The following GNE variants were observed in gnomAD, a reference collection of about 807,000 sequenced individuals.
GNE encodes the protein bifunctional UDP-N-acetylglucosamine 2-epimerase/N-acetylmannosamine kinase.
GNE carries 41 observed loss-of-function variants against 61.8 expected under a neutral mutation model. That is an observed-to-expected ratio of 0.66 (90% CI 0.52 to 0.86). GNE has a LOEUF of 0.86. Ranked by LOEUF, GNE falls within the 40% of genes least tolerant of loss-of-function variation. The probability of loss-of-function intolerance (pLI) is 0.00; values close to 1 mark genes in which losing one functional copy is unlikely to be tolerated. For synonymous variants in GNE, 264 were observed against 326.4 expected, an observed-to-expected ratio of 0.81 and a Z score of 2.06; for missense variants, 608 against 909.1, an observed-to-expected ratio of 0.67 and a Z score of 4.26.
At chr9:36,247,821 GT>G (rs1209708298) in intron 2 of GNE, among the ~76,000 whole-genome samples, 1 of 152,006 alleles carries the variant, frequency 6.6e-6, no homozygotes, top group Non-Finnish European at 1.5e-5. Context: ...GAGGTTGGGA[GT>G]TTGAGACCAG....
Position 36,234,145 on chromosome 9 carries a change from A to G in GNE, c.770-13T>C. On this transcript the variant is annotated splice_polypyrimidine_tract_variant and intron_variant, in intron 4 of 11. Transcript: ENST00000642385. Reference sequence around the variant, plus strand: ...ATCTCTTTGCTCCCTATGAAAATGAAAAGAACCAATTGGTAAATGGTTTGT... The same window carrying G: ...ATCTCTTTGCTCCCTATGAAAATGAGAAGAACCAATTGGTAAATGGTTTGT... 1 of 1,599,680 alleles carries G rather than the reference A, an allele frequency of 6.3e-7. No homozygotes were observed. The highest frequency in any genetic ancestry group is 8.6e-7 in the Non-Finnish European group (1 of 1,166,852).
chr9:36,276,032 G>T (rs1831250409), intron 1 of GNE, among the ~76,000 whole-genome samples: 4 of 152,052 alleles, frequency 2.6e-5, no homozygotes, highest in Admixed American at 2.6e-4. Context: ...AGTTTGCCGG[G>T]TATGGTAGTC....
chr9:36,228,979 C>A, intron 6 of GNE, 42 bp downstream of exon 6: 1 of 1,057,402 alleles, frequency 9.5e-7, no homozygotes, highest in Non-Finnish European at 1.5e-6. Context: ...CTGAAGGTAG[C>A]TCCCCTTTTA....
At chr9:36,271,408 CT>C (rs1298587515) in intron 1 of GNE, among the ~76,000 whole-genome samples, 1 of 152,236 alleles carries the variant, frequency 6.6e-6, no homozygotes, top group East Asian at 1.9e-4. Flanking sequence ...GAGTCTCGCT[CT>C]GTTGCCCAGG....
chr9:36,245,933 G>T, intron 3 of GNE, 98 bp downstream of exon 3: 2 of 954,946 alleles, frequency 2.1e-6, no homozygotes, highest in Non-Finnish European at 3.3e-6. Context: ...ATTGCTAACA[G>T]AGTATTCTAT....
intron 5 of GNE, among the ~76,000 whole-genome samples, chr9:36,231,123 C>A (rs1829136477): frequency 2.1e-5 from 3 of 144,436 alleles, no homozygotes; most frequent in Admixed American, 7.0e-5. Flanking sequence ...GAAAGAAAGA[C>A]AATGAAAGAA....
intron 9 of GNE, 125 bp from the exon 10 acceptor site, chr9:36,220,145 C>A: frequency 1.3e-6 from 1 of 783,988 alleles, no homozygotes; most frequent in East Asian, 2.6e-5. Context: ...CTTTAGACAG[C>A]TGAAGCCCAC....
intron 6 of GNE, among the ~76,000 whole-genome samples, chr9:36,228,097 T>G (rs1358432754): frequency 3.3e-5 from 5 of 149,390 alleles, no homozygotes; most frequent in African/African-American, 1.2e-4. Context: ...CTCCACAAGA[T>G]ATACATACTT....
chr9:36,238,839 T>C (rs902262513), intron 3 of GNE, among the ~76,000 whole-genome samples: 3 of 152,190 alleles, frequency 2.0e-5, no homozygotes, highest in East Asian at 1.9e-4. Flanking sequence ...GGTTTTCCCA[T>C]GTAATCTTCT....
At chr9:36,273,015 G>A (rs982722936) in intron 1 of GNE, among the ~76,000 whole-genome samples, 1 of 151,722 alleles carries the variant, frequency 6.6e-6, no homozygotes, top group Non-Finnish European at 1.5e-5. Flanking sequence ...AGTGCAGGAG[G>A]TGGAGGTTGC....
chr9:36,223,056 G>A, intron 8 of GNE, 58 bp from the exon 9 acceptor site: 2 of 1,482,940 alleles, frequency 1.3e-6, no homozygotes, highest in Non-Finnish European at 1.9e-6. Context: ...AGGAAAGTAT[G>A]CTGACTTTCT....
chr9:36,222,950 T>G lies in GNE; in HGVS notation c.1460A>C (p.His487Pro). 1 of 1,614,170 alleles carries G rather than the reference T, an allele frequency of 6.2e-7. No homozygotes were observed. The highest frequency in any genetic ancestry group is 8.5e-7 in the Non-Finnish European group (1 of 1,180,036). Residue 487 changes from histidine to proline, a missense_variant, in exon 9 of 12, where the codon CAT becomes CCT. Coordinates refer to ENST00000642385, the MANE Select transcript of GNE (RefSeq NM_005476.7). Reference protein sequence around the residue: ...RVNPREGIVLHSTKLIQEWNS... With the variant: ...RVNPREGIVLPSTKLIQEWNS... ...CCACTCTTGGATCAGTTTGGTTGAATGCAGCACAATTCCTTCCCGAGGATT... is the reference window on the plus strand; with the variant it reads ...CCACTCTTGGATCAGTTTGGTTGAAGGCAGCACAATTCCTTCCCGAGGATT...
chr9:36,266,112 G>T (rs1439773974), intron 1 of GNE, among the ~76,000 whole-genome samples: 1 of 152,114 alleles, frequency 6.6e-6, no homozygotes, highest in Middle Eastern at 3.4e-3. Context: ...TGTATTTTTA[G>T]TAGAGACGGG....
chr9:36,217,881 T>A (rs1465756346), intron 11 of GNE, among the ~76,000 whole-genome samples: 1 of 152,222 alleles, frequency 6.6e-6, no homozygotes, highest in African/African-American at 2.4e-5. Flanking sequence ...TACCTCCAAA[T>A]GGGAAAACTA....
intron 1 of GNE, among the ~76,000 whole-genome samples, chr9:36,253,844 C>T (rs1563952233): frequency 6.7e-6 from 1 of 149,416 alleles, no homozygotes; most frequent in Non-Finnish European, 1.5e-5. Flanking sequence ...TGGAGACCAG[C>T]CTGGCCAACA....
intron 10 of GNE, 53 bp downstream of exon 10, chr9:36,219,785 G>T: frequency 6.8e-7 from 1 of 1,475,712 alleles, no homozygotes. Context: ...TTTCCACTTT[G>T]AAGTACTTGT....
At chr9:36,259,405 C>T (rs1587369003), upstream of GNE, among the ~76,000 whole-genome samples, 1 of 151,082 alleles carries the variant, frequency 6.6e-6, no homozygotes, top group South Asian at 2.1e-4. Context: ...TTTTTTTTTA[C>T]AACCATTAAA....
chr9:36,250,899 T>A (rs1310442811), intron 1 of GNE, among the ~76,000 whole-genome samples: 4 of 152,208 alleles, frequency 2.6e-5, no homozygotes, highest in Non-Finnish European at 5.9e-5. Flanking sequence ...CAGGCTGGTC[T>A]TGAACTCCTG....
chr9:36,220,037 A>G lies in GNE; in HGVS notation c.1634-17T>C. ...CACCGATTCCTACAGCGAGGGATAG[A>G]AATCACTGAGGGTGCTTTACCTGAA... On this transcript the variant is annotated splice_polypyrimidine_tract_variant and intron_variant, in intron 9 of 11. Transcript: ENST00000642385. The G allele has an allele frequency of 6.2e-7, 1 of 1,607,822 alleles. No homozygotes were observed. Among genetic ancestry groups the G allele is most frequent in the East Asian group, 2.2e-5 (1 of 44,870 alleles).
Sources: gnomAD v4.1 joint callset for allele counts (sites outside exome capture counted in the v4.1 genomes callset) on GRCh38, gnomAD v4.1.1 for gene constraint, MANE v1.5 for transcripts, NCBI Gene and HGNC (gene_info 2026-07-23, HGNC 2026-07-21) for gene names.